ROBO1: variants seen among roughly 807,000 people sequenced by gnomAD.
The protein encoded by ROBO1 is roundabout guidance receptor 1.
A neutral mutation model predicts 195.9 loss-of-function variants in ROBO1; 149 were observed. That is an observed-to-expected ratio of 0.76 (90% CI 0.67 to 0.87). The LOEUF (loss-of-function observed/expected upper bound fraction) is 0.87. Ranked by LOEUF, ROBO1 falls within the 40% of genes least tolerant of loss-of-function variation. The pLI is 0.00. For synonymous variants in ROBO1, 816 were observed against 733.2 expected, an observed-to-expected ratio of 1.11 and a Z score of -1.82; for missense variants, 1,933 against 2,068.3, an observed-to-expected ratio of 0.93 and a Z score of 1.27.
Position 79,426,658 on chromosome 3 carries a change from G to A in ROBO1, c.88+163166C>T, listed in dbSNP as rs564571399. Among the ~76,000 whole-genome samples, 10 of 152,224 alleles carry A rather than the reference G, an allele frequency of 6.6e-5. No homozygotes were observed. The South Asian group carries it at 1.5e-3, about 22-fold the overall frequency. On this transcript the variant is annotated intron_variant, in intron 2 of 30. Coordinates refer to ENST00000464233, the MANE Select transcript of ROBO1 (RefSeq NM_002941.4). ...TCTGGGATTACAGGCGTAAGCCACC[G>A]TGCCTGGCTTCTTTCTTCATGTAAT...
At chr3:79,286,710 T>A (rs1178727401) in intron 2 of ROBO1, among the ~76,000 whole-genome samples, 1 of 152,118 alleles carries the variant, frequency 6.6e-6, no homozygotes, top group Non-Finnish European at 1.5e-5. Flanking sequence ...AAGGATGAAG[T>A]GAGATATCTC....
At chr3:79,567,811 T>C (rs1356505777) in intron 2 of ROBO1, among the ~76,000 whole-genome samples, 8 of 152,140 alleles carry the variant, frequency 5.3e-5, no homozygotes, top group Admixed American at 4.6e-4. Context: ...CCATGAATTA[T>C]TATAAATTTG....
chr3:79,413,406 A>G (rs73848877), intron 2 of ROBO1, among the ~76,000 whole-genome samples: 2,831 of 152,096 alleles, frequency 0.019, 70 homozygotes, highest in African/African-American at 0.063. Context: ...TCAAGAGCCA[A>G]ACAGGTAACA....
At chr3:79,453,049 T>C (rs371258752) in intron 2 of ROBO1, among the ~76,000 whole-genome samples, 1 of 151,984 alleles carries the variant, frequency 6.6e-6, no homozygotes, top group Non-Finnish European at 1.5e-5. Flanking sequence ...GAGGCTAAAG[T>C]TGATTTCCAA....
intron 2 of ROBO1, among the ~76,000 whole-genome samples, chr3:79,135,095 C>T (rs369821243): frequency 7.2e-5 from 11 of 151,770 alleles, no homozygotes; most frequent in South Asian, 2.1e-4. Flanking sequence ...GACTATAATA[C>T]GTTCTTATTA....
chr3:79,682,212 A>G lies in ROBO1; in HGVS notation c.-51+85540T>C, dbSNP rs571379938. 6.0e-4 allele frequency among the ~76,000 whole-genome samples: 92 copies of G among 152,156 alleles called. 1 individual carries two copies. In the South Asian group the frequency reaches 0.018, roughly 30 times the overall value. The stretch of plus-strand genomic sequence containing the variant: ...GAAAGTTATTTCCTATGGAAGAAAC[A>G]TAATTCTTATACTCTAATAATTAGC... On this transcript the variant is annotated intron_variant, in intron 1 of 30. Transcript: ENST00000464233.
chr3:79,526,468 G>T (rs1243341994), intron 2 of ROBO1: 3 of 152,148 alleles, frequency 2.0e-5, no homozygotes, highest in African/African-American at 7.2e-5. Context: ...AAGAGTATGA[G>T]TAAATAAACA....
chr3:79,296,958 G>A (rs1276537219), intron 2 of ROBO1, among the ~76,000 whole-genome samples: 1 of 152,070 alleles, frequency 6.6e-6, no homozygotes, highest in Non-Finnish European at 1.5e-5. Context: ...ATTTACATCA[G>A]GACAATTGAA....
chr3:79,147,274 C>T lies in ROBO1; in HGVS notation c.89-21735G>A, dbSNP rs918011667. On this transcript the variant is annotated intron_variant, in intron 2 of 30. Transcript: ENST00000464233. ...TTGTGCCTGCCTGAGAGATACTTTGCCAATCACAAAATTCAGAAGGTACTT... is the reference window on the plus strand; with the variant it reads ...TTGTGCCTGCCTGAGAGATACTTTGTCAATCACAAAATTCAGAAGGTACTT... Among the ~76,000 whole-genome samples, 24 of 151,932 alleles carry T rather than the reference C, an allele frequency of 1.6e-4. 1 individual carries two copies. Among genetic ancestry groups the T allele is most frequent in the African/African-American group, 5.6e-4 (23 of 41,378 alleles).
At chr3:79,230,546 C>A (rs192307811) in intron 2 of ROBO1, among the ~76,000 whole-genome samples, 2 of 151,948 alleles carry the variant, frequency 1.3e-5, no homozygotes, top group Non-Finnish European at 2.9e-5. Flanking sequence ...AATGTTTACA[C>A]TGGCCTAGGG....
At chr3:79,074,736 C>T (rs576061411) in intron 3 of ROBO1, among the ~76,000 whole-genome samples, 26 of 151,714 alleles carry the variant, frequency 1.7e-4, no homozygotes, top group African/African-American at 4.8e-4. Flanking sequence ...GGAACATATG[C>T]TTTTTTATTT....
chr3:79,245,449 G>T (rs182213613), intron 2 of ROBO1, among the ~76,000 whole-genome samples: 8 of 151,992 alleles, frequency 5.3e-5, no homozygotes, highest in African/African-American at 1.9e-4. Flanking sequence ...TCATCCACTT[G>T]AGTATTGGAG....
chr3:79,399,890 G>A (rs972775871), intron 2 of ROBO1, among the ~76,000 whole-genome samples: 2 of 152,040 alleles, frequency 1.3e-5, no homozygotes, highest in Non-Finnish European at 2.9e-5. Flanking sequence ...ATTTTTATAG[G>A]TGTTTTCCAA....
chr3:79,500,252 C>T (rs1559944280), intron 2 of ROBO1, among the ~76,000 whole-genome samples: 1 of 149,132 alleles, frequency 6.7e-6, no homozygotes, highest in Non-Finnish European at 1.5e-5. Flanking sequence ...GTCTCAGTCT[C>T]CGGAATAGCT....
At chr3:79,759,824 T>G (rs1306186320) in intron 1 of ROBO1, among the ~76,000 whole-genome samples, 1 of 152,104 alleles carries the variant, frequency 6.6e-6, no homozygotes, top group Admixed American at 6.5e-5. Flanking sequence ...CAACCAGCCT[T>G]ATAAACAAAT....
rs1023777866 is a variant in ROBO1, at chr3:79,109,195, A to G, written c.172+16261T>C. On this transcript the variant is annotated intron_variant, in intron 3 of 30. Coordinates refer to ENST00000464233, the MANE Select transcript of ROBO1 (RefSeq NM_002941.4). The stretch of plus-strand genomic sequence containing the variant: ...GTTTTATTTTAACATAGCTGTGTCA[A>G]TTGGGGGTACTTATTCAAAGTTCTG... Among the ~76,000 whole-genome samples, 6 of 151,744 alleles carry G rather than the reference A, an allele frequency of 4.0e-5. No homozygotes were observed. The South Asian group carries it at 6.2e-4, about 16-fold the overall frequency.
intron 4 of ROBO1, among the ~76,000 whole-genome samples, chr3:78,782,336 A>T (rs555118403): frequency 1.5e-4 from 23 of 152,038 alleles, no homozygotes; most frequent in African/African-American, 4.8e-4. Flanking sequence ...AGCTGGGATT[A>T]TAGGCACCCA....
chr3:79,271,615 C>T (rs1305365700), intron 2 of ROBO1, among the ~76,000 whole-genome samples: 1 of 152,026 alleles, frequency 6.6e-6, no homozygotes, highest in Non-Finnish European at 1.5e-5. Flanking sequence ...TACTGACTGT[C>T]TCCTATATAC....
At chr3:79,507,300 A>G (rs1056751669) in intron 2 of ROBO1, among the ~76,000 whole-genome samples, 1 of 152,154 alleles carries the variant, frequency 6.6e-6, no homozygotes, top group African/African-American at 2.4e-5. Context: ...TCTGAGAACA[A>G]CTCTATGTGA....
Sources: gnomAD v4.1 joint callset for allele counts (sites outside exome capture counted in the v4.1 genomes callset) on GRCh38, gnomAD v4.1.1 for gene constraint, MANE v1.5 for transcripts, NCBI Gene and HGNC (gene_info 2026-07-23, HGNC 2026-07-21) for gene names.